ERBB4: variants seen among roughly 807,000 people sequenced by gnomAD.
ERBB4 encodes the protein receptor tyrosine-protein kinase erbB-4.
In ERBB4, 42 loss-of-function variants were observed where a neutral mutation model predicts 158.0. The observed-to-expected ratio is 0.27, with a 90% CI of 0.21 to 0.34. The LOEUF (loss-of-function observed/expected upper bound fraction) is 0.34, where lower values mean the gene tolerates loss of function less well. Ranked by LOEUF, ERBB4 falls within the 10% of genes least tolerant of loss-of-function variation. The pLI, the probability that ERBB4 is intolerant of heterozygous loss-of-function variation, is 1.00. For missense variants in ERBB4, 1,333 were observed against 1,624.1 expected, an observed-to-expected ratio of 0.82 and a Z score of 3.08; for synonymous variants, 583 against 558.7, an observed-to-expected ratio of 1.04 and a Z score of -0.61.
At chr2:211,957,695 A>G (rs1432770566) in intron 2 of ERBB4, among the ~76,000 whole-genome samples, 3 of 152,166 alleles carry the variant, frequency 2.0e-5, no homozygotes, top group South Asian at 4.1e-4. Context: ...ATTAGTTTCT[A>G]TTGTTTTTCT....
chr2:211,965,289 T>A (rs1223118301), intron 2 of ERBB4, among the ~76,000 whole-genome samples: 1 of 152,186 alleles, frequency 6.6e-6, no homozygotes, highest in Non-Finnish European at 1.5e-5. Flanking sequence ...TTAGGAAATG[T>A]GTAAAAGTAA....
At chr2:212,374,100 A>G (rs1346508149) in intron 1 of ERBB4, among the ~76,000 whole-genome samples, 1 of 143,840 alleles carries the variant, frequency 7.0e-6, no homozygotes, top group Non-Finnish European at 1.5e-5. Flanking sequence ...CCATATATAT[A>G]TATACACACA....
chr2:211,426,718 AT>A (rs1249150898), intron 22 of ERBB4, among the ~76,000 whole-genome samples: 2 of 151,958 alleles, frequency 1.3e-5, no homozygotes, highest in Non-Finnish European at 2.9e-5. Flanking sequence ...GCTAATTTAA[AT>A]TTGCCTTCAG....
intron 3 of ERBB4, among the ~76,000 whole-genome samples, chr2:211,851,437 C>G (rs2077718754): frequency 6.6e-6 from 1 of 151,832 alleles, no homozygotes; most frequent in South Asian, 2.1e-4. Flanking sequence ...AGAAGCAAAG[C>G]ATCTCTGGGT....
intron 1 of ERBB4, among the ~76,000 whole-genome samples, chr2:212,365,069 T>G (rs1271207104): frequency 6.6e-6 from 1 of 151,540 alleles, no homozygotes; most frequent in Non-Finnish European, 1.5e-5. Context: ...AAATTTCTGG[T>G]CATTTAATTT....
At chr2:212,538,371 A>G in intron 1 of ERBB4, 78 bp downstream of exon 1, 2 of 1,284,656 alleles carry the variant, frequency 1.6e-6, no homozygotes, top group Non-Finnish European at 2.3e-6. Context: ...GGGATGGGTG[A>G]AGAGGGCAGG....
intron 1 of ERBB4, among the ~76,000 whole-genome samples, chr2:212,185,411 TAC>T (rs1289730911): frequency 6.6e-6 from 1 of 152,028 alleles, no homozygotes; most frequent in African/African-American, 2.4e-5. Context: ...ACTTGAAGAT[TAC>T]AGTTTTAACT....
At chr2:212,116,938 C>T (rs1378441262) in intron 2 of ERBB4, among the ~76,000 whole-genome samples, 1 of 151,900 alleles carries the variant, frequency 6.6e-6, no homozygotes, top group Non-Finnish European at 1.5e-5. Context: ...AAAAAAAATC[C>T]TAAGCCAAGT....
intron 2 of ERBB4, among the ~76,000 whole-genome samples, chr2:212,034,495 T>C (rs1349499699): frequency 1.3e-5 from 2 of 152,050 alleles, no homozygotes; most frequent in East Asian, 1.9e-4. Context: ...TAATAATTGA[T>C]GGGAAAATGA....
chr2:212,377,848 ATT>A (rs1353113673), intron 1 of ERBB4, among the ~76,000 whole-genome samples: 3 of 151,958 alleles, frequency 2.0e-5, no homozygotes, highest in African/African-American at 7.2e-5. Context: ...TTTTAAAACT[ATT>A]TGTCTCTCTT....
intron 1 of ERBB4, among the ~76,000 whole-genome samples, chr2:212,214,199 T>A (rs2083024870): frequency 6.6e-6 from 1 of 151,842 alleles, no homozygotes; most frequent in Non-Finnish European, 1.5e-5. Context: ...AATAGAATGA[T>A]TCAATACATC....
intron 2 of ERBB4, among the ~76,000 whole-genome samples, chr2:212,105,486 C>T (rs1047603904): frequency 2.0e-5 from 3 of 152,108 alleles, no homozygotes; most frequent in Non-Finnish European, 4.4e-5. Flanking sequence ...GGCTCTGAGT[C>T]TTTAGCAATC....
chr2:212,246,826 C>T (rs75370131), intron 1 of ERBB4, among the ~76,000 whole-genome samples: 1,713 of 152,160 alleles, frequency 0.011, 39 homozygotes, highest in African/African-American at 0.039. Flanking sequence ...TCTTTACTTC[C>T]TATGTGACTA....
At chr2:212,366,220 C>T (rs1184202321) in intron 1 of ERBB4, among the ~76,000 whole-genome samples, 2 of 151,920 alleles carry the variant, frequency 1.3e-5, no homozygotes, top group Admixed American at 6.6e-5. Context: ...ATGCTTACTA[C>T]TGCATATCTG....
intron 12 of ERBB4, among the ~76,000 whole-genome samples, chr2:211,686,497 G>C (rs2072569513): frequency 6.6e-6 from 1 of 151,822 alleles, no homozygotes; most frequent in South Asian, 2.1e-4. Context: ...ACTGCTATTT[G>C]CTACTACTTT....
rs149325902 is a variant in ERBB4 at position 212,108,628 on chromosome 2, G to A, written c.234+16124C>T. Among the ~76,000 whole-genome samples, 67 of 150,998 alleles carry A rather than the reference G, an allele frequency of 4.4e-4. No homozygotes were observed. In the East Asian group the frequency reaches 0.011, roughly 25 times the overall value. ...AAATCAGAGGGAGTTTTGGGGTAAA[G>A]CAGTGATTCCAGGAGTACATTCAAC... On this transcript the variant is annotated intron_variant, in intron 2 of 27. Coordinates refer to ENST00000342788, the MANE Select transcript of ERBB4 (RefSeq NM_005235.3).
intron 1 of ERBB4, among the ~76,000 whole-genome samples, chr2:212,398,956 AT>A (rs1245512619): frequency 2.0e-5 from 3 of 151,874 alleles, no homozygotes; most frequent in Non-Finnish European, 2.9e-5. Context: ...TATTATTATT[AT>A]TTTTGATACG....
intron 1 of ERBB4, among the ~76,000 whole-genome samples, chr2:212,458,935 C>T (rs962503043): frequency 4.6e-5 from 7 of 152,098 alleles, no homozygotes; most frequent in African/African-American, 1.4e-4. Flanking sequence ...ATATTATAGG[C>T]ATTCAAATAG....
intron 1 of ERBB4, among the ~76,000 whole-genome samples, chr2:212,407,613 T>G (rs990417613): frequency 4.7e-4 from 72 of 152,180 alleles, no homozygotes; most frequent in African/African-American, 1.6e-3. Flanking sequence ...ATATATAAAA[T>G]TCAAGAGTAT....
Sources: allele counts gnomAD v4.1 joint callset (sites outside exome capture counted in the v4.1 genomes callset), GRCh38; gene constraint gnomAD v4.1.1; transcripts MANE v1.5; gene names NCBI Gene and HGNC (gene_info 2026-07-23, HGNC 2026-07-21).